The following MYOCD variants were observed in gnomAD, a reference collection of about 807,000 sequenced individuals.
The protein encoded by MYOCD is myocardin.
A neutral mutation model predicts 96.1 loss-of-function variants in MYOCD; 32 were observed. That is an observed-to-expected ratio of 0.33 (90% CI 0.25 to 0.45). MYOCD has a LOEUF of 0.45. Ranked by LOEUF, MYOCD falls within the 20% of genes least tolerant of loss-of-function variation. The pLI is 1.00. For missense variants in MYOCD, 1,133 were observed against 1,200.6 expected (o/e 0.94, Z 0.83); for synonymous variants, 469 against 469.0 (o/e 1.00, Z 0.00).
At chr17:12,749,821 A>G (rs1483194815) in intron 9 of MYOCD, among the ~76,000 whole-genome samples, 4 of 151,260 alleles carry the variant, frequency 2.6e-5, no homozygotes, top group Non-Finnish European at 2.9e-5. Context: ...TGAATTAAAT[A>G]TATTAATATT....
chr17:12,726,383 A>G (rs988465788), intron 5 of MYOCD, among the ~76,000 whole-genome samples: 2 of 152,232 alleles, frequency 1.3e-5, no homozygotes, highest in African/African-American at 4.8e-5. Flanking sequence ...CTGCAGGCAC[A>G]CAGGCCTCAG....
At chr17:12,745,642 C>T (rs951650934) in intron 8 of MYOCD, among the ~76,000 whole-genome samples, 8 of 152,178 alleles carry the variant, frequency 5.3e-5, no homozygotes, top group Non-Finnish European at 1.0e-4. Flanking sequence ...GTGTGTTTGG[C>T]CTCCCCAGGA....
Position 12,753,201 on chromosome 17 carries a change from C to T in MYOCD, c.1913C>T (p.Ser638Leu). 1 of 1,614,174 alleles carries T rather than the reference C, an allele frequency of 6.2e-7. No individual in the cohort carries two copies. The highest frequency in any genetic ancestry group is 2.2e-5 in the East Asian group (1 of 44,876). Residue 638 changes from serine to leucine, a missense_variant, in exon 10 of 14, where the codon TCA becomes TTA. Coordinates refer to ENST00000425538, the MANE Select transcript of MYOCD (RefSeq NM_001146312.3). ...AGCCCCCAGTGTTCCCCTCAGCATT[C>T]ACCGCTGGGGGCTGTGAAAAGCCCA... ...FLSPQCSPQH[S>L]PLGAVKSPQH...
At chr17:12,746,121 G>T (rs1419842951) in intron 9 of MYOCD, 49 bp downstream of exon 9, 4 of 1,577,942 alleles carry the variant, frequency 2.5e-6, no homozygotes, top group Non-Finnish European at 3.5e-6. Context: ...AAATACAACA[G>T]TATGTTGTTA....
In MYOCD at chr17:12,756,679, G is replaced by A. The variant is rs566960138; in HGVS notation, c.2202+122G>A. The A allele has an allele frequency of 8.4e-5, 26 of 308,216 alleles. No homozygotes were observed. In the Admixed American group the frequency reaches 1.2e-3, roughly 14 times the overall value. 19.1% of individuals were successfully genotyped at this position (308,216 alleles called of 1,614,324 possible). On this transcript the variant is annotated intron_variant, in intron 11 of 13. Coordinates refer to ENST00000425538, the MANE Select transcript of MYOCD (RefSeq NM_001146312.3). ...CCACTGCACTCCAGCCCAGGTGACA[G>A]AGCGAGACTGCATCTCAAAAAAAAA...
intron 1 of MYOCD, among the ~76,000 whole-genome samples, chr17:12,690,342 T>C (rs2030379505): frequency 6.6e-6 from 1 of 152,174 alleles, no homozygotes; most frequent in Non-Finnish European, 1.5e-5. Flanking sequence ...TCTTCTTCAG[T>C]AGCATCATCC....
intron 1 of MYOCD, among the ~76,000 whole-genome samples, chr17:12,671,282 T>G (rs1206990714): frequency 6.6e-6 from 1 of 152,154 alleles, no homozygotes; most frequent in African/African-American, 2.4e-5. Flanking sequence ...TCCTCTAAAG[T>G]CTATTCAAAA....
In MYOCD at chr17:12,764,630, T is replaced by G. The variant is rs1342143170; in HGVS notation, c.*986T>G. 6.6e-6 allele frequency: 1 copy of G among 152,262 alleles called. No individual in the cohort carries two copies. The highest frequency in any genetic ancestry group is 1.5e-5 in the Non-Finnish European group (1 of 68,060). The allele number at this position is 152,262 out of a possible 1,614,324, so 9.4% of individuals were successfully genotyped here. On this transcript the variant is annotated 3_prime_UTR_variant, in exon 14 of 14. Coordinates refer to ENST00000425538, the MANE Select transcript of MYOCD (RefSeq NM_001146312.3). ...TGGGTTCCTATAGAAGGACTATTAC[T>G]TATGGGAGTCCAACTTCTCCTTTTG...
chr17:12,751,856 G>A (rs1343266809), intron 9 of MYOCD, among the ~76,000 whole-genome samples: 3 of 152,142 alleles, frequency 2.0e-5, no homozygotes, highest in Non-Finnish European at 2.9e-5. Context: ...AAGTCAGGTC[G>A]GGGCACCACC....
At chr17:12,733,649 C>T (rs1419166277) in intron 5 of MYOCD, among the ~76,000 whole-genome samples, 1 of 152,106 alleles carries the variant, frequency 6.6e-6, no homozygotes, top group African/African-American at 2.4e-5. Flanking sequence ...GTGTGGATCA[C>T]CTGAGGTCAG....
At chr17:12,713,461 C>T (rs1280967075) in intron 2 of MYOCD, among the ~76,000 whole-genome samples, 1 of 152,204 alleles carries the variant, frequency 6.6e-6, no homozygotes, top group Non-Finnish European at 1.5e-5. Context: ...AAGATCTATT[C>T]ATGCTAATCC....
At chr17:12,752,242 T>A (rs991706553) in intron 9 of MYOCD, among the ~76,000 whole-genome samples, 172 bp from the exon 10 acceptor site, 1 of 152,194 alleles carries the variant, frequency 6.6e-6, no homozygotes, top group Non-Finnish European at 1.5e-5. Flanking sequence ...TTGTTAAAAT[T>A]GTGCAGAACT....
At chr17:12,745,227 G>A (rs1001180305) in intron 8 of MYOCD, among the ~76,000 whole-genome samples, 2 of 150,830 alleles carry the variant, frequency 1.3e-5, no homozygotes, top group African/African-American at 4.9e-5. Context: ...TTATTTTTTC[G>A]AGATGGAGTT....
intron 7 of MYOCD, 75 bp downstream of exon 7, chr17:12,739,403 G>A (rs549944582): frequency 1.6e-5 from 23 of 1,462,574 alleles, no homozygotes; most frequent in African/African-American, 5.7e-5. Context: ...AACTTTCTGA[G>A]TTAGGTCTGA....
chr17:12,738,528 CAT>C (rs1420237539), intron 6 of MYOCD, among the ~76,000 whole-genome samples: 2 of 152,084 alleles, frequency 1.3e-5, no homozygotes, highest in Non-Finnish European at 1.5e-5. Flanking sequence ...TGTGTGCACA[CAT>C]GTGCACACAC....
chr17:12,696,863 T>A (rs1367956749), intron 1 of MYOCD, among the ~76,000 whole-genome samples: 1 of 152,186 alleles, frequency 6.6e-6, no homozygotes, highest in Non-Finnish European at 1.5e-5. Flanking sequence ...AGAAAACACA[T>A]GTCACTGATA....
intron 9 of MYOCD, among the ~76,000 whole-genome samples, chr17:12,751,337 A>C (rs1410368356): frequency 6.6e-6 from 1 of 151,844 alleles, no homozygotes; most frequent in Non-Finnish European, 1.5e-5. Context: ...AAAAATAGTC[A>C]ATTCAAACTT....
chr17:12,767,153 A>G lies in MYOCD; in HGVS notation c.*3509A>G, dbSNP rs1597827796. 1.3e-5 allele frequency: 2 copies of G among 152,198 alleles called. No individual in the cohort carries two copies. The highest frequency in any genetic ancestry group is 3.9e-4 in the East Asian group (2 of 5,192). 9.4% of individuals were successfully genotyped at this position (152,198 alleles called of 1,614,324 possible). ...TCAGCTGTCACATTATGAGAAGTAA[A>G]TCAGAATTTTTTTAAGGAGAAGTCA... is the stretch of plus-strand genomic sequence containing the variant. On this transcript the variant is annotated 3_prime_UTR_variant, in exon 14 of 14. Coordinates refer to ENST00000425538, the MANE Select transcript of MYOCD (RefSeq NM_001146312.3).
intron 1 of MYOCD, among the ~76,000 whole-genome samples, chr17:12,669,199 A>G (rs563947695): frequency 6.6e-6 from 1 of 152,308 alleles, no homozygotes; most frequent in African/African-American, 2.4e-5. Flanking sequence ...CCTCCATATC[A>G]ATCCTTGTGT....
Sources: gnomAD v4.1 joint callset for allele counts (sites outside exome capture counted in the v4.1 genomes callset) on GRCh38, gnomAD v4.1.1 for gene constraint, MANE v1.5 for transcripts, NCBI Gene and HGNC (gene_info 2026-07-23, HGNC 2026-07-21) for gene names.